NSMCE2: variants seen among roughly 807,000 people sequenced by gnomAD.
NSMCE2 encodes the protein E3 SUMO-protein ligase NSE2.
Under a neutral mutation model 23.8 loss-of-function variants are expected in NSMCE2, and 24 were observed. That is an observed-to-expected ratio of 1.01 (90% CI 0.73 to 1.42). The LOEUF is 1.42. Ranked by LOEUF, NSMCE2 falls within the 40% of genes most tolerant of loss-of-function variation. The pLI is 0.00. For synonymous variants in NSMCE2, 92 were observed against 94.1 expected, an observed-to-expected ratio of 0.98 and a Z score of 0.13; for missense variants, 284 against 296.5, an observed-to-expected ratio of 0.96 and a Z score of 0.31.
intron 5 of NSMCE2, among the ~76,000 whole-genome samples, chr8:125,221,635 A>T (rs1041832822): frequency 3.3e-5 from 5 of 152,220 alleles, no homozygotes; most frequent in Non-Finnish European, 5.9e-5. Context: ...CAGGTTTTGG[A>T]ATATTTGTAT....
At chr8:125,271,466 C>T (rs766747416) in intron 5 of NSMCE2, among the ~76,000 whole-genome samples, 4 of 152,108 alleles carry the variant, frequency 2.6e-5, no homozygotes, top group Non-Finnish European at 4.4e-5. Flanking sequence ...GGATAAGTTT[C>T]GGCTTAAATA....
At chr8:125,252,961 C>A (rs929965481) in intron 5 of NSMCE2, among the ~76,000 whole-genome samples, 1 of 152,174 alleles carries the variant, frequency 6.6e-6, no homozygotes, top group African/African-American at 2.4e-5. Context: ...ACCTATAGAA[C>A]ACAGATTAAA....
chr8:125,272,167 T>A (rs7844459), intron 5 of NSMCE2, among the ~76,000 whole-genome samples: 1 of 151,772 alleles, frequency 6.6e-6, no homozygotes, highest in African/African-American at 2.4e-5. Context: ...GCGCCCACCA[T>A]CATGCCTGTC....
intron 3 of NSMCE2, among the ~76,000 whole-genome samples, chr8:125,142,242 T>C (rs1482124065): frequency 6.6e-6 from 1 of 152,172 alleles, no homozygotes; most frequent in Non-Finnish European, 1.5e-5. Context: ...TCATATCAGC[T>C]TTCTGAAGTA....
intron 5 of NSMCE2, among the ~76,000 whole-genome samples, chr8:125,266,418 T>C (rs981090562): frequency 2.6e-5 from 4 of 152,250 alleles, no homozygotes; most frequent in Non-Finnish European, 5.9e-5. Flanking sequence ...CTTTACTCTT[T>C]AGTGAAGTTT....
chr8:125,147,985 G>A (rs1010621529), intron 3 of NSMCE2, among the ~76,000 whole-genome samples: 4 of 152,134 alleles, frequency 2.6e-5, no homozygotes, highest in Non-Finnish European at 4.4e-5. Flanking sequence ...TGGTCTCTCA[G>A]CCCCCTGCTA....
intron 5 of NSMCE2, among the ~76,000 whole-genome samples, chr8:125,209,294 A>G (rs963105413): frequency 5.9e-5 from 9 of 152,218 alleles, no homozygotes; most frequent in Non-Finnish European, 1.2e-4. Flanking sequence ...ACATAGACAA[A>G]AGTAAGGAAA....
At chr8:125,213,805 T>C (rs1824462217) in intron 5 of NSMCE2, among the ~76,000 whole-genome samples, 1 of 151,320 alleles carries the variant, frequency 6.6e-6, no homozygotes. Flanking sequence ...TGAGTTTTGT[T>C]TGGCTCACAC....
chr8:125,130,233 A>C (rs1345395963), intron 3 of NSMCE2: 2 of 456,016 alleles, frequency 4.4e-6, no homozygotes, highest in Non-Finnish European at 8.8e-6. Context: ...AGAAGAGCAC[A>C]GAGGTCAAGG....
intron 5 of NSMCE2, among the ~76,000 whole-genome samples, chr8:125,322,555 G>A (rs968693939): frequency 6.6e-6 from 1 of 152,094 alleles, no homozygotes; most frequent in Non-Finnish European, 1.5e-5. Flanking sequence ...TATCCCCTAA[G>A]GAAACTAGCA....
At chr8:125,166,969 C>T (rs915038262) in intron 4 of NSMCE2, among the ~76,000 whole-genome samples, 1 of 152,188 alleles carries the variant, frequency 6.6e-6, no homozygotes, top group Non-Finnish European at 1.5e-5. Context: ...ATAAAGGTGC[C>T]ACTGCACTCC....
intron 5 of NSMCE2, among the ~76,000 whole-genome samples, chr8:125,213,669 CTCTCT>C (rs1179710248): frequency 1.3e-4 from 20 of 148,504 alleles, no homozygotes; most frequent in African/African-American, 4.7e-4. Context: ...CTCTCTCTTT[CTCTCT>C]TTCTCTCTCT....
chr8:125,308,263 C>G (rs1484456185), intron 5 of NSMCE2, among the ~76,000 whole-genome samples: 1 of 152,300 alleles, frequency 6.6e-6, no homozygotes, highest in East Asian at 1.9e-4. Context: ...GAGTCTCAGG[C>G]CTTTGCTCTT....
At chr8:125,161,624 G>A (rs1034720262) in intron 4 of NSMCE2, among the ~76,000 whole-genome samples, 4 of 151,596 alleles carry the variant, frequency 2.6e-5, no homozygotes, top group Admixed American at 1.3e-4. Context: ...ATGGTGAAAC[G>A]CCACCTCTAC....
At chr8:125,170,352 A>G (rs1189879082) in intron 4 of NSMCE2, among the ~76,000 whole-genome samples, 1 of 125,568 alleles carries the variant, frequency 8.0e-6, no homozygotes, top group Admixed American at 8.8e-5. Flanking sequence ...TATCCAGTCC[A>G]TCAATAAACC....
At chr8:125,237,140 C>T (rs542503466) in intron 5 of NSMCE2, among the ~76,000 whole-genome samples, 90 of 152,216 alleles carry the variant, frequency 5.9e-4, no homozygotes, top group Middle Eastern at 3.4e-3. Flanking sequence ...ATGTGGAGTC[C>T]ACCATGTGGT....
chr8:125,348,074 C>T (rs1812852789), intron 5 of NSMCE2: 1 of 152,072 alleles, frequency 6.6e-6, no homozygotes, highest in African/African-American at 2.4e-5. Context: ...CACAAGAACA[C>T]TTTGCTTTGT....
chr8:125,128,671 GA>G (rs1328938455), intron 3 of NSMCE2, among the ~76,000 whole-genome samples: 1 of 152,168 alleles, frequency 6.6e-6, no homozygotes, highest in African/African-American at 2.4e-5. Context: ...GGCTCCAGGG[GA>G]AAATCATTGT....
rs192201357 is a variant in NSMCE2 at position 125,175,188 on chromosome 8, C to T, written c.265-6915C>T. Among the ~76,000 whole-genome samples, 244 of 152,024 alleles carry T rather than the reference C, an allele frequency of 1.6e-3. 1 individual carries two copies. The highest frequency in any genetic ancestry group is 5.7e-3 in the African/African-American group (235 of 41,476). On this transcript the variant is annotated intron_variant, in intron 4 of 7. Transcript: ENST00000287437. ...CTATATAAATTTACCCTGTGCATGA[C>T]GAATTGGGTTGGTGGTGTGTCATTA...
Sources: gnomAD v4.1 joint callset for allele counts (sites outside exome capture counted in the v4.1 genomes callset) on GRCh38, gnomAD v4.1.1 for gene constraint, MANE v1.5 for transcripts, NCBI Gene and HGNC (gene_info 2026-07-23, HGNC 2026-07-21) for gene names.